Variants in LRRC63 observed in about 807,000 individuals in gnomAD.
LRRC63 encodes the protein leucine-rich repeat-containing protein 63.
LRRC63 carries 40 observed loss-of-function variants against 49.5 expected under a neutral mutation model. That is an observed-to-expected ratio of 0.81 (90% confidence interval 0.63 to 1.05). The LOEUF (loss-of-function observed/expected upper bound fraction) is 1.05, where lower values mean the gene tolerates loss of function less well. Ranked by LOEUF, LRRC63 falls within the 50% of genes least tolerant of loss-of-function variation. The pLI, the probability that LRRC63 is intolerant of heterozygous loss-of-function variation, is 0.00. For synonymous variants in LRRC63, 191 were observed against 221.1 expected (o/e 0.86, Z 1.21); for missense variants, 636 against 663.1 (o/e 0.96, Z 0.45).
chr13:46,247,985 A>T (rs2138512555), intron 6 of LRRC63, among the ~76,000 whole-genome samples: 1 of 152,214 alleles, frequency 6.6e-6, no homozygotes, highest in East Asian at 1.9e-4. Flanking sequence ...GAAATTATAG[A>T]CAAAAAAGGA....
chr13:46,259,295 GAT>G (rs2047577259), intron 7 of LRRC63, among the ~76,000 whole-genome samples: 1 of 150,906 alleles, frequency 6.6e-6, no homozygotes, highest in Non-Finnish European at 1.5e-5. Context: ...TTGTAGAAAA[GAT>G]AAAAAAGGGA....
At chr13:46,217,995 T>C (rs1335584511) in intron 2 of LRRC63, among the ~76,000 whole-genome samples, 1 of 152,200 alleles carries the variant, frequency 6.6e-6, no homozygotes, top group Non-Finnish European at 1.5e-5. Context: ...TTATTTTGCA[T>C]TTTCTGAGGA....
At chr13:46,276,883 CAT>C (rs373729829) in exon 10 of LRRC63, 36 of 119,314 alleles carry the variant, frequency 3.0e-4, no homozygotes, top group Admixed American at 5.1e-4. Context: ...TATATATATT[CAT>C]ATATATATAT....
At chr13:46,217,313 C>T (rs982434350) in intron 2 of LRRC63, among the ~76,000 whole-genome samples, 1 of 152,264 alleles carries the variant, frequency 6.6e-6, no homozygotes, top group South Asian at 2.1e-4. Flanking sequence ...TTCAGGGACT[C>T]GACTTCTTCC....
chr13:46,227,933 A>C, exon 3 of LRRC63: 2 of 1,550,696 alleles, frequency 1.3e-6, no homozygotes, highest in Non-Finnish European at 1.7e-6. Flanking sequence ...TTATCGCTCA[A>C]AAACTTGAGA....
At chr13:46,225,812 T>C (rs551760082) in intron 2 of LRRC63, among the ~76,000 whole-genome samples, 25 of 152,282 alleles carry the variant, frequency 1.6e-4, no homozygotes, top group African/African-American at 6.0e-4. Context: ...TTTTCAGATA[T>C]TGAATTACTT....
chr13:46,218,388 A>G (rs898066965), intron 2 of LRRC63, among the ~76,000 whole-genome samples: 1 of 150,958 alleles, frequency 6.6e-6, no homozygotes, highest in Admixed American at 6.6e-5. Flanking sequence ...GTTGGTTTAA[A>G]GTCTGCTTTA....
At position 46,227,599 on chromosome 13, in the gene LRRC63, A is replaced by C. The variant is rs1408287135; in HGVS notation, c.173A>C (p.Asp58Ala). ...AAAATGGATAGAACTCGTTTTCCTG[A>C]TGTTTTAAGAAATCAATCACTAACA... The change falls in exon 3 of 10, where the codon GAT (aspartate) becomes GCT (alanine). Residue 58 changes from aspartate (D) to alanine (A), a missense_variant. By Grantham distance (126) the Asp-to-Ala change is moderately radical (BLOSUM62 -2). Transcript: ENST00000595396. 1.9e-6 allele frequency: 3 copies of C among 1,549,916 alleles called. No homozygotes were observed. The South Asian group carries it at 3.6e-5, about 18-fold the overall frequency.
exon 10 of LRRC63, chr13:46,276,841 TA>T: frequency 6.7e-6 from 1 of 150,070 alleles, no homozygotes; most frequent in Non-Finnish European, 1.3e-5. Context: ...TATATATATA[TA>T]TATATATATT....
At chr13:46,262,512 T>A (rs1359919574) in intron 8 of LRRC63, among the ~76,000 whole-genome samples, 10 of 152,146 alleles carry the variant, frequency 6.6e-5, no homozygotes, top group Admixed American at 6.5e-4. Context: ...ATCTTTCAGA[T>A]CATTTTGTAT....
chr13:46,227,330 G>A (rs1488402606), intron 2 of LRRC63, among the ~76,000 whole-genome samples, 182 bp from the exon 3 acceptor site: 3 of 152,112 alleles, frequency 2.0e-5, no homozygotes, highest in Non-Finnish European at 4.4e-5. Flanking sequence ...TTCTCCGGTT[G>A]CTCACTCAAA....
chr13:46,262,421 G>A (rs1212474897), intron 8 of LRRC63, among the ~76,000 whole-genome samples: 2 of 152,100 alleles, frequency 1.3e-5, no homozygotes, highest in Non-Finnish European at 2.9e-5. Context: ...TGTTTTGATT[G>A]TGACTTCAGA....
intron 6 of LRRC63, 126 bp from the exon 7 acceptor site, chr13:46,250,229 T>A (rs113087710): frequency 1.2e-6 from 1 of 814,400 alleles, no homozygotes; most frequent in Non-Finnish European, 1.9e-6. Flanking sequence ...CTGAGTTACA[T>A]GATATAGCCA....
intron 2 of LRRC63, among the ~76,000 whole-genome samples, chr13:46,218,153 C>T (rs574974303): frequency 6.6e-6 from 1 of 152,264 alleles, no homozygotes; most frequent in African/African-American, 2.4e-5. Context: ...TCCTGAATAT[C>T]CTTGTTAATT....
At chr13:46,250,425 T>C in exon 7 of LRRC63, 3 of 1,534,014 alleles carry the variant, frequency 2.0e-6, no homozygotes, top group Non-Finnish European at 2.6e-6. Context: ...CCTTCTGAAA[T>C]TCAACAACTT....
At chr13:46,249,041 A>T (rs569220989) in intron 6 of LRRC63, among the ~76,000 whole-genome samples, 2 of 152,030 alleles carry the variant, frequency 1.3e-5, no homozygotes, top group Admixed American at 6.6e-5. Flanking sequence ...CTAAATAACC[A>T]GTGGGTCAAA....
chr13:46,244,844 A>G (rs558717316), intron 5 of LRRC63, among the ~76,000 whole-genome samples: 1 of 152,330 alleles, frequency 6.6e-6, no homozygotes, highest in South Asian at 2.1e-4. Context: ...AAAATGGTAA[A>G]CTTTAGCCTA....
intron 5 of LRRC63, among the ~76,000 whole-genome samples, chr13:46,235,862 A>G (rs1566486091): frequency 6.6e-6 from 1 of 152,188 alleles, no homozygotes; most frequent in East Asian, 1.9e-4. Flanking sequence ...AAACTGCTAA[A>G]TGAAACTATG....
intron 8 of LRRC63, among the ~76,000 whole-genome samples, chr13:46,264,763 A>G (rs1395892238): frequency 6.6e-6 from 1 of 152,020 alleles, no homozygotes; most frequent in Non-Finnish European, 1.5e-5. Flanking sequence ...CACCACTCAG[A>G]ATGCTAAGAA....
Sources: gnomAD v4.1 joint callset for allele counts (sites outside exome capture counted in the v4.1 genomes callset) on GRCh38, gnomAD v4.1.1 for gene constraint, MANE v1.5 for transcripts, NCBI Gene and HGNC (gene_info 2026-07-23, HGNC 2026-07-21) for gene names.